Variants in SLC12A6 observed in about 807,000 individuals in gnomAD.
The protein encoded by SLC12A6 is solute carrier family 12 member 6.
Under a neutral mutation model 135.3 loss-of-function variants are expected in SLC12A6, and 66 were observed. The ratio of observed to expected loss-of-function variants is 0.49; its 90% CI spans 0.40 to 0.60. The LOEUF (loss-of-function observed/expected upper bound fraction) is 0.60. Ranked by LOEUF, SLC12A6 falls within the 20% of genes least tolerant of loss-of-function variation. SLC12A6 has a pLI of 0.00. For missense variants in SLC12A6, 1,058 were observed against 1,452.3 expected, an observed-to-expected ratio of 0.73 and a Z score of 4.41; for synonymous variants, 513 against 508.8, an observed-to-expected ratio of 1.01 and a Z score of -0.11.
At chr15:34,281,519 G>A (rs1894676019) in intron 2 of SLC12A6, among the ~76,000 whole-genome samples, 2 of 152,170 alleles carry the variant, frequency 1.3e-5, no homozygotes, top group African/African-American at 2.4e-5. Flanking sequence ...GCCGGGTGCA[G>A]TGGCTCACGC....
chr15:34,330,002 A>G lies in SLC12A6; in HGVS notation c.271+6408T>C, dbSNP rs190722724. Among the ~76,000 whole-genome samples, 7 of 152,330 alleles carry G rather than the reference A, an allele frequency of 4.6e-5. No homozygotes were observed. The East Asian group carries it at 1.3e-3, about 29-fold the overall frequency. ...AATACTTCAATATATATCTTTATAG[A>G]TAACAGCTTTACATTATCACAATGT... On this transcript the variant is annotated intron_variant, in intron 2 of 25. Coordinates refer to ENST00000354181, the MANE Select transcript of SLC12A6 (RefSeq NM_001365088.1).
chr15:34,281,163 ATATAT>A (rs1393342883), intron 2 of SLC12A6, among the ~76,000 whole-genome samples: 1 of 152,210 alleles, frequency 6.6e-6, no homozygotes, highest in Non-Finnish European at 1.5e-5. Flanking sequence ...GTTAACAATA[ATATAT>A]TAGACTCAAA....
At chr15:34,324,354 G>C (rs962843602) in intron 2 of SLC12A6, among the ~76,000 whole-genome samples, 1 of 152,098 alleles carries the variant, frequency 6.6e-6, no homozygotes, top group Non-Finnish European at 1.5e-5. Flanking sequence ...GGCAAAAGGG[G>C]CATTTATAAT....
chr15:34,239,730 T>C (rs915907146), intron 19 of SLC12A6, among the ~76,000 whole-genome samples: 3 of 116,652 alleles, frequency 2.6e-5, no homozygotes, highest in African/African-American at 9.3e-5. Context: ...TTTGGAGATA[T>C]CATCTCATTT....
chr15:34,276,965 A>G (rs1222593458), intron 2 of SLC12A6, among the ~76,000 whole-genome samples: 1 of 152,232 alleles, frequency 6.6e-6, no homozygotes, highest in Non-Finnish European at 1.5e-5. Context: ...TTTCTACCAC[A>G]GAAGTTTTAA....
At chr15:34,332,882 G>A (rs1889947699) in intron 2 of SLC12A6, among the ~76,000 whole-genome samples, 1 of 152,022 alleles carries the variant, frequency 6.6e-6, no homozygotes, top group Admixed American at 6.6e-5. Flanking sequence ...TGTAAAAAAT[G>A]TTCATCATAG....
intron 2 of SLC12A6, among the ~76,000 whole-genome samples, chr15:34,322,838 C>A (rs574717855): frequency 6.6e-6 from 1 of 151,308 alleles, no homozygotes; most frequent in Non-Finnish European, 1.5e-5. Context: ...ATTAGCCAGT[C>A]GTGATGGTGA....
rs1204659108 is a variant in SLC12A6, at chr15:34,230,701, A to G, written c.*3180T>C. ...TCTCTCAAGTTTTCAGTATTGCTTTATTTGCAGTGATTAAAAGAGATGAGA... is the reference window on the plus strand; with the variant it reads ...TCTCTCAAGTTTTCAGTATTGCTTTGTTTGCAGTGATTAAAAGAGATGAGA... On this transcript the variant is annotated 3_prime_UTR_variant, in exon 26 of 26. Transcript: ENST00000354181. The G allele has an allele frequency of 6.6e-6, 1 of 152,562 alleles. No homozygotes were observed. The highest frequency in any genetic ancestry group is 2.4e-5 in the African/African-American group (1 of 41,432). The allele number at this position is 152,562 out of a possible 1,614,324, so 9.5% of individuals were successfully genotyped here. A position where few individuals can be genotyped will look rare whatever the true frequency, so the allele number is the denominator to read the frequency against.
chr15:34,308,651 A>C (rs1887924015), intron 2 of SLC12A6, among the ~76,000 whole-genome samples: 1 of 117,136 alleles, frequency 8.5e-6, no homozygotes, highest in South Asian at 3.1e-4. Context: ...AAAAAAAAAA[A>C]ACAAACCAGA....
intron 22 of SLC12A6, 83 bp downstream of exon 22, chr15:34,237,336 T>A (rs1349690473): frequency 7.4e-7 from 1 of 1,353,354 alleles, no homozygotes; most frequent in Non-Finnish European, 1.0e-6. Flanking sequence ...TCTGAAAAAT[T>A]TCCCAAACCA....
rs531101905 is a variant in SLC12A6, at chr15:34,314,450, A to C, written c.271+21960T>G. On this transcript the variant is annotated intron_variant, in intron 2 of 25. Coordinates refer to ENST00000354181, the MANE Select transcript of SLC12A6 (RefSeq NM_001365088.1). ...TTCAACAATGCACTGGTCACTCAAGAGCTCCGATGGAGATGTACAAAGAGA... is the reference window on the plus strand; with the variant it reads ...TTCAACAATGCACTGGTCACTCAAGCGCTCCGATGGAGATGTACAAAGAGA... 3.9e-5 allele frequency among the ~76,000 whole-genome samples: 6 copies of C among 152,324 alleles called. No homozygotes were observed. The South Asian group carries it at 1.2e-3, about 32-fold the overall frequency.
Position 34,236,809 on chromosome 15 carries a change from T to G in SLC12A6, c.2941A>C (p.Ser981Arg). The change falls in exon 23 of 26, where the codon AGT becomes CGT. Residue 981 changes from serine to arginine, a missense_variant. Coordinates refer to ENST00000354181, the MANE Select transcript of SLC12A6 (RefSeq NM_001365088.1). ...AEVEVVEMHD[S>R]DISAYTYERT... ...TCGTAAGTATATGCTGATATATCACTGTCATGCTGCCATAGACATCACATA... is the reference window on the plus strand; with the variant it reads ...TCGTAAGTATATGCTGATATATCACGGTCATGCTGCCATAGACATCACATA... 1 of 1,592,808 alleles carries G rather than the reference T, an allele frequency of 6.3e-7. No individual in the cohort carries two copies. The highest frequency in any genetic ancestry group is 8.6e-7 in the Non-Finnish European group (1 of 1,160,554).
At chr15:34,318,797 T>G in intron 2 of SLC12A6, 9 of 1,563,170 alleles carry the variant, frequency 5.8e-6, no homozygotes, top group Non-Finnish European at 7.8e-6. Flanking sequence ...CAAGAGACAG[T>G]GGCTGGGATT....
chr15:34,250,170 G>A, intron 13 of SLC12A6, 128 bp downstream of exon 13: 1 of 754,568 alleles, frequency 1.3e-6, no homozygotes, highest in South Asian at 1.4e-5. Context: ...CTCCCAAAGT[G>A]CCGGGATTAC....
Position 34,241,303 on chromosome 15 carries a change from G to A in SLC12A6, c.2197C>T (p.Leu733=), listed in dbSNP as rs1159738129. The A allele has an allele frequency of 7.5e-6, 12 of 1,608,126 alleles. No individual in the cohort carries two copies. Among genetic ancestry groups the A allele is most frequent in the Non-Finnish European group, 1.0e-5 (12 of 1,174,496 alleles). ...GCAAACCGGGCTGCACTGAGGGACA[G>A]CCCACGGATACCATCACCCCATTCT... ...EKEWGDGIRG[L]SLSAARFALL... The change falls in exon 18 of 26, where the codon CTG becomes TTG. Residue 733 remains leucine, a synonymous_variant. Coordinates refer to ENST00000354181, the MANE Select transcript of SLC12A6 (RefSeq NM_001365088.1).
chr15:34,262,589 GGACA>G (rs1414410755), intron 3 of SLC12A6, among the ~76,000 whole-genome samples: 2 of 152,310 alleles, frequency 1.3e-5, no homozygotes, highest in East Asian at 1.9e-4. Context: ...AGGGGCGACA[GGACA>G]GACAGAGCTG....
At position 34,252,184 on chromosome 15, in the gene SLC12A6, C is replaced by A. The variant is rs1448474208; in HGVS notation, c.1319G>T (p.Ser440Ile). ...TSIQGIPGLA[S>I]GIITENLWSN... Reference sequence around the variant, plus strand: ...CCCTAACTTACCTGTAATTATACCACTAGCCAATCCAGGAATGCCCTGGAT... The same window carrying A: ...CCCTAACTTACCTGTAATTATACCAATAGCCAATCCAGGAATGCCCTGGAT... The change falls in exon 10 of 26, where the codon AGT (serine) becomes ATT (isoleucine). Residue 440 changes from serine (S) to isoleucine (I), a missense_variant. Coordinates refer to ENST00000354181, the MANE Select transcript of SLC12A6 (RefSeq NM_001365088.1). The A allele has an allele frequency of 1.3e-6, 2 of 1,574,444 alleles. No homozygotes were observed. The highest frequency in any genetic ancestry group is 2.2e-5 in the South Asian group (2 of 90,158).
At chr15:34,284,277 CTTTTTTTTTTT>C (rs71415558) in intron 2 of SLC12A6, among the ~76,000 whole-genome samples, 40 of 92,494 alleles carry the variant, frequency 4.3e-4, no homozygotes, top group Middle Eastern at 0.02. Context: ...TGTTTCTTTT[CTTTTTTTTTTT>C]TTTTTTTTTT....
chr15:34,252,056 A>T (rs1892427731), intron 10 of SLC12A6, 114 bp downstream of exon 10: 3 of 692,536 alleles, frequency 4.3e-6, no homozygotes, highest in Admixed American at 2.1e-5. Context: ...GTGCTTAAGA[A>T]GGGAATTAGC....
Sources: allele counts gnomAD v4.1 joint callset (sites outside exome capture counted in the v4.1 genomes callset), GRCh38; gene constraint gnomAD v4.1.1; transcripts MANE v1.5; gene names NCBI Gene and HGNC (gene_info 2026-07-23, HGNC 2026-07-21).